Variants in KCNH1 observed in about 807,000 individuals in gnomAD.
KCNH1 encodes the protein potassium voltage-gated channel subfamily H member 1, also known as voltage-gated delayed rectifier potassium channel KCNH1.
A neutral mutation model predicts 69.2 loss-of-function variants in KCNH1; 27 were observed. That is an observed-to-expected ratio of 0.39 (90% confidence interval 0.29 to 0.54). The LOEUF (loss-of-function observed/expected upper bound fraction) is 0.54, where lower values mean the gene tolerates loss of function less well. Ranked by LOEUF, KCNH1 falls within the 20% of genes least tolerant of loss-of-function variation. The pLI is 0.68. For missense variants in KCNH1, 798 were observed against 1,261.6 expected, an observed-to-expected ratio of 0.63 and a Z score of 5.57; for synonymous variants, 456 against 487.7, an observed-to-expected ratio of 0.93 and a Z score of 0.86.
chr1:211,121,862 G>A (rs565308567), intron 1 of KCNH1, among the ~76,000 whole-genome samples: 3 of 152,276 alleles, frequency 2.0e-5, no homozygotes, highest in South Asian at 2.1e-4. Context: ...CCGGCCAGGC[G>A]TGGTAGCTCA....
chr1:210,846,263 C>T (rs1250614315), intron 7 of KCNH1, among the ~76,000 whole-genome samples: 13 of 152,174 alleles, frequency 8.5e-5, no homozygotes, highest in African/African-American at 2.4e-4. Flanking sequence ...AAAGAGCCCG[C>T]ATCGCCAAGT....
Position 211,002,316 on chromosome 1 carries a change from GTA to G in KCNH1, c.1032+16465_1032+16466del, listed in dbSNP as rs537239997. Reference sequence around the variant, plus strand: ...TGTATATATGTATACATGTATACGTGTATATATATATGTGTGTGTGTGTATAT... The same window carrying G: ...TGTATATATGTATACATGTATACGTGTATATATATGTGTGTGTGTGTATAT... On this transcript the variant is annotated intron_variant, in intron 6 of 10. Coordinates refer to ENST00000271751, the MANE Select transcript of KCNH1 (RefSeq NM_172362.3). Among the ~76,000 whole-genome samples, 194 of 127,134 alleles carry G rather than the reference GTA, an allele frequency of 1.5e-3. 3 individuals are homozygous for G. Among genetic ancestry groups the G allele is most frequent in the African/African-American group, 5.7e-3 (179 of 31,496 alleles). 83.4% of individuals were successfully genotyped at this position (127,134 alleles called of 152,430 possible). A position where few individuals can be genotyped will look rare whatever the true frequency, so the allele number is the denominator to read the frequency against.
chr1:210,894,697 T>C (rs954221730), intron 7 of KCNH1, among the ~76,000 whole-genome samples: 4 of 152,172 alleles, frequency 2.6e-5, no homozygotes, highest in Non-Finnish European at 4.4e-5. Flanking sequence ...AGTATCTTTA[T>C]TATAAAAATG....
At chr1:210,756,531 G>GT (rs1683403838) in intron 10 of KCNH1, among the ~76,000 whole-genome samples, 1 of 152,222 alleles carries the variant, frequency 6.6e-6, no homozygotes, top group African/African-American at 2.4e-5. Flanking sequence ...GTTGCAAGAG[G>GT]TTTTTTAAAA....
At chr1:210,769,551 A>C (rs1335296312) in intron 10 of KCNH1, among the ~76,000 whole-genome samples, 4 of 152,212 alleles carry the variant, frequency 2.6e-5, no homozygotes, top group African/African-American at 9.6e-5. Context: ...ACACTGCACA[A>C]AACAAACTCT....
chr1:211,056,275 G>A (rs766525352), intron 5 of KCNH1, among the ~76,000 whole-genome samples: 2 of 152,004 alleles, frequency 1.3e-5, no homozygotes, highest in East Asian at 3.9e-4. Context: ...GGCAGTACTT[G>A]CCAAGGGGCC....
At chr1:211,093,697 G>A (rs1691095603) in intron 3 of KCNH1, among the ~76,000 whole-genome samples, 1 of 152,158 alleles carries the variant, frequency 6.6e-6, no homozygotes, top group African/African-American at 2.4e-5. Context: ...AGTTCATCTT[G>A]AGCTAAATAT....
intron 6 of KCNH1, among the ~76,000 whole-genome samples, chr1:210,937,392 C>T (rs532925723): frequency 1.3e-5 from 2 of 152,252 alleles, no homozygotes; most frequent in South Asian, 4.1e-4. Context: ...GCTGAGCATG[C>T]CAGAATACCT....
At chr1:210,771,009 A>G (rs1221769639) in intron 10 of KCNH1, among the ~76,000 whole-genome samples, 1 of 152,234 alleles carries the variant, frequency 6.6e-6, no homozygotes, top group Non-Finnish European at 1.5e-5. Context: ...CAGTAATGTC[A>G]TGAGGCTGTT....
intron 10 of KCNH1, among the ~76,000 whole-genome samples, chr1:210,754,063 C>T (rs1159406687): frequency 3.3e-5 from 5 of 151,908 alleles, no homozygotes; most frequent in African/African-American, 9.7e-5. Flanking sequence ...TACAGGCGCC[C>T]GCCACTGCGC....
At chr1:210,946,328 T>A (rs1501559) in intron 6 of KCNH1, among the ~76,000 whole-genome samples, 1 of 151,758 alleles carries the variant, frequency 6.6e-6, no homozygotes, top group East Asian at 1.9e-4. Context: ...AGCATGTGTA[T>A]CCATGCTGCC....
intron 9 of KCNH1, among the ~76,000 whole-genome samples, chr1:210,791,276 G>A (rs188077559): frequency 7.2e-4 from 110 of 152,264 alleles, no homozygotes; most frequent in Non-Finnish European, 1.2e-3. Flanking sequence ...AACATCAAGC[G>A]GTGACTGCCT....
At chr1:211,131,658 C>T (rs1269356210) in intron 1 of KCNH1, among the ~76,000 whole-genome samples, 2 of 152,102 alleles carry the variant, frequency 1.3e-5, no homozygotes, top group African/African-American at 4.8e-5. Flanking sequence ...TAATATAATG[C>T]ATGCAGATAT....
chr1:210,886,794 T>A (rs1037552645), intron 7 of KCNH1, among the ~76,000 whole-genome samples: 2 of 151,776 alleles, frequency 1.3e-5, no homozygotes, highest in Non-Finnish European at 2.9e-5. Context: ...AGAAAGGATA[T>A]CAGAGATTGA....
At chr1:210,780,881 A>C (rs1229258785) in intron 9 of KCNH1, among the ~76,000 whole-genome samples, 1 of 152,142 alleles carries the variant, frequency 6.6e-6, no homozygotes, top group Non-Finnish European at 1.5e-5. Flanking sequence ...CCCCGTCTCT[A>C]CTAAAAATAC....
chr1:210,717,152 C>A (rs1004466400), intron 10 of KCNH1, among the ~76,000 whole-genome samples: 1 of 152,170 alleles, frequency 6.6e-6, no homozygotes, highest in African/African-American at 2.4e-5. Context: ...AAAAGCTGCC[C>A]TTATTTGCCA....
chr1:211,049,299 T>G (rs2102439056), intron 5 of KCNH1, among the ~76,000 whole-genome samples: 1 of 152,310 alleles, frequency 6.6e-6, no homozygotes, highest in Admixed American at 6.5e-5. Flanking sequence ...CAGAAAAGGC[T>G]TAGATTTTAA....
intron 6 of KCNH1, among the ~76,000 whole-genome samples, chr1:210,949,608 T>C (rs944736524): frequency 2.0e-5 from 3 of 152,178 alleles, no homozygotes; most frequent in Non-Finnish European, 4.4e-5. Context: ...TCCTGGCTCC[T>C]CTTAGAGGGG....
chr1:211,020,817 G>A (rs1391933635), intron 5 of KCNH1, among the ~76,000 whole-genome samples: 1 of 152,020 alleles, frequency 6.6e-6, no homozygotes, highest in African/African-American at 2.4e-5. Context: ...TTTATCCAGA[G>A]ATGCAAGAAT....
Sources: gnomAD v4.1 joint callset for allele counts (sites outside exome capture counted in the v4.1 genomes callset) on GRCh38, gnomAD v4.1.1 for gene constraint, MANE v1.5 for transcripts, NCBI Gene and HGNC (gene_info 2026-07-23, HGNC 2026-07-21) for gene names.